CRYM: variants seen among roughly 807,000 people sequenced by gnomAD.
The protein encoded by CRYM is crystallin mu, also known as ketimine reductase mu-crystallin.
Under a neutral mutation model 32.9 loss-of-function variants are expected in CRYM, and 18 were observed. That is an observed-to-expected ratio of 0.55 (90% confidence interval 0.38 to 0.81). The LOEUF is 0.81. Among genes scored for constraint, CRYM ranks in the 30% least tolerant of loss-of-function variants. CRYM has a pLI of 0.00. For synonymous variants in CRYM, 153 were observed against 152.4 expected (o/e 1.00, Z -0.03); for missense variants, 337 against 393.5 (o/e 0.86, Z 1.21).
In CRYM at chr16:21,261,559, A is replaced by T. The variant is rs903550565; in HGVS notation, c.796-221T>A. 8.5e-6 allele frequency: 5 copies of T among 589,542 alleles called. No individual in the cohort carries two copies. In the African/African-American group the frequency reaches 9.3e-5, roughly 11 times the overall value. 36.5% of individuals were successfully genotyped at this position (589,542 alleles called of 1,614,324 possible). A position where few individuals can be genotyped will look rare whatever the true frequency, so the allele number is the denominator to read the frequency against. ...TTTGCTTTTGTGATACCATAAACAC[A>T]GAGATTCGAGTTGGTGCTCAGGGAG... On this transcript the variant is annotated intron_variant, in intron 6 of 7. Coordinates refer to ENST00000572914, the MANE Select transcript of CRYM (RefSeq NM_001376256.1).
At chr16:21,301,682 T>C (rs757471978) in intron 1 of CRYM, among the ~76,000 whole-genome samples, 1 of 152,196 alleles carries the variant, frequency 6.6e-6, no homozygotes, top group Admixed American at 6.5e-5. Context: ...CCTCCTGCCT[T>C]CCGCACCGCT....
In CRYM at chr16:21,277,370, C is replaced by T; in HGVS notation, c.324+61G>A. 6.3e-7 allele frequency: 1 copy of T among 1,592,966 alleles called. No individual in the cohort carries two copies. Among genetic ancestry groups the T allele is most frequent in the Admixed American group, 1.7e-5 (1 of 59,802 alleles). On this transcript the variant is annotated intron_variant, in intron 2 of 7. Transcript: ENST00000572914. This position sits in a 1 kb window ranked among gnomAD's most constrained non-coding sequence, Gnocchi z 4.2. ...GACTCCCCCTGCTGCGGAGAACTTACTTTTGAGCTTCAATCTGGGCCCAGG... is the reference window on the plus strand; with the variant it reads ...GACTCCCCCTGCTGCGGAGAACTTATTTTTGAGCTTCAATCTGGGCCCAGG...
intron 1 of CRYM, among the ~76,000 whole-genome samples, chr16:21,293,874 G>A (rs1420954026): frequency 1.3e-5 from 2 of 152,104 alleles, no homozygotes; most frequent in Admixed American, 6.6e-5. Flanking sequence ...AATTTAATAT[G>A]CCATAAGAAG....
intron 1 of CRYM, among the ~76,000 whole-genome samples, chr16:21,301,901 G>A (rs1960951818): frequency 1.3e-5 from 2 of 152,208 alleles, no homozygotes; most frequent in African/African-American, 2.4e-5. Flanking sequence ...GCGTGCTAGG[G>A]AGTCCTGGCG....
intron 1 of CRYM, among the ~76,000 whole-genome samples, chr16:21,292,739 G>GGATA (rs60149589): frequency 0.25 from 37,570 of 151,648 alleles, 4,806 homozygotes; most frequent in African/African-American, 0.3. Flanking sequence ...ATGGATGGAT[G>GGATA]GATAGATAGA....
At chr16:21,279,493 T>C (rs916729338), upstream of CRYM, among the ~76,000 whole-genome samples, 20 of 152,160 alleles carry the variant, frequency 1.3e-4, no homozygotes, top group African/African-American at 4.8e-4. Context: ...AGTTGCCAGA[T>C]GTGTTAGGCT....
At chr16:21,274,640 C>G (rs1298668006) in intron 3 of CRYM, among the ~76,000 whole-genome samples, 1 of 152,092 alleles carries the variant, frequency 6.6e-6, no homozygotes, top group African/African-American at 2.4e-5. Context: ...GACACTCACT[C>G]TTTTGCCCAG....
In CRYM at chr16:21,278,155, T is replaced by C. The variant is rs2093391159; in HGVS notation, c.97A>G (p.Asn33Asp). 2.6e-6 allele frequency: 4 copies of C among 1,552,880 alleles called. No individual in the cohort carries two copies. The South Asian group carries it at 3.6e-5, about 14-fold the overall frequency. ...CCTCCTTCGGGACCGCTGGAGAAGTTGGCCAGGGCCGTCTCTAGAGGCGGG... is the reference window on the plus strand; with the variant it reads ...CCTCCTTCGGGACCGCTGGAGAAGTCGGCCAGGGCCGTCTCTAGAGGCGGG... ...LIPPLETALANFSSGPEGGVM... is the reference protein window; with the variant it reads ...LIPPLETALADFSSGPEGGVM... The change falls in exon 1 of 8, where the codon AAC becomes GAC. Residue 33 changes from asparagine to aspartate, a missense_variant. Coordinates refer to ENST00000572914, the MANE Select transcript of CRYM (RefSeq NM_001376256.1).
At chr16:21,280,976 G>A (rs1007706630), upstream of CRYM, among the ~76,000 whole-genome samples, 1 of 151,956 alleles carries the variant, frequency 6.6e-6, no homozygotes, top group Non-Finnish European at 1.5e-5. Context: ...GTGGTAGCAT[G>A]TGCCTGTAAT....
chr16:21,264,166 A>G (rs900698208), intron 5 of CRYM, among the ~76,000 whole-genome samples: 9 of 152,244 alleles, frequency 5.9e-5, no homozygotes, highest in Non-Finnish European at 1.0e-4. Context: ...TCTAATTTCC[A>G]AAGAGAGTTG....
rs540477585 is a variant in CRYM, at chr16:21,264,730, T to C, written c.674-2572A>G. Among the ~76,000 whole-genome samples, 5 of 152,266 alleles carry C rather than the reference T, an allele frequency of 3.3e-5. No homozygotes were observed. In the South Asian group the frequency reaches 1.0e-3, roughly 32 times the overall value. On this transcript the variant is annotated intron_variant, in intron 5 of 7. Transcript: ENST00000572914. Reference sequence around the variant, plus strand: ...CAAGTCAGCCCTTCCTGGAGAATGATTCCAAGTGAGAGAGGGATCCAACAT... The same window carrying C: ...CAAGTCAGCCCTTCCTGGAGAATGACTCCAAGTGAGAGAGGGATCCAACAT...
chr16:21,279,827 G>T (rs2093395026), upstream of CRYM, among the ~76,000 whole-genome samples: 2 of 152,150 alleles, frequency 1.3e-5, no homozygotes, highest in East Asian at 1.9e-4. Context: ...CCAATGAAAT[G>T]AGAAATTGTA....
chr16:21,302,073 A>ACACACACACC (rs1415305941), intron 1 of CRYM, among the ~76,000 whole-genome samples: 2 of 152,178 alleles, frequency 1.3e-5, no homozygotes, highest in South Asian at 4.1e-4. Flanking sequence ...CCCCGCCAAC[A>ACACACACACC]CACACACACC....
At chr16:21,301,344 C>T (rs1433349528) in intron 1 of CRYM, 2 of 150,650 alleles carry the variant, frequency 1.3e-5, no homozygotes, top group African/African-American at 2.4e-5. Context: ...AGGTGGGGCC[C>T]TTTCAGGGAC....
chr16:21,281,144 A>G (rs1044391380), upstream of CRYM, among the ~76,000 whole-genome samples: 10 of 150,918 alleles, frequency 6.6e-5, no homozygotes, highest in Non-Finnish European at 1.2e-4. Context: ...CTGTATATAT[A>G]TATATACACA....
chr16:21,270,307 G>A (rs537225585), intron 3 of CRYM, among the ~76,000 whole-genome samples: 8 of 150,668 alleles, frequency 5.3e-5, no homozygotes, highest in African/African-American at 1.7e-4. Flanking sequence ...TTTTTGAGAT[G>A]GAGTCTCGCT....
upstream of CRYM, among the ~76,000 whole-genome samples, chr16:21,283,182 C>G (rs1020306187): frequency 1.3e-5 from 2 of 152,174 alleles, no homozygotes; most frequent in African/African-American, 4.8e-5. Context: ...ACTTCTGCCA[C>G]TACCACAGTG....
rs187127843 is a variant in CRYM at position 21,261,406 on chromosome 16, A to C, written c.796-68T>G. 17 of 1,127,794 alleles carry C rather than the reference A, an allele frequency of 1.5e-5. 1 individual carries two copies. In the African/African-American group the frequency reaches 1.7e-4, roughly 11 times the overall value. 69.9% of individuals were successfully genotyped at this position (1,127,794 alleles called of 1,614,324 possible). ...CTGTGCAGGGTTGGCTTTTGAAGCC[A>C]GCCCAGGGAATTCCTGAATTGGATA... On this transcript the variant is annotated intron_variant, in intron 6 of 7. Coordinates refer to ENST00000572914, the MANE Select transcript of CRYM (RefSeq NM_001376256.1).
chr16:21,301,400 G>A (rs1424298720), intron 1 of CRYM: 1 of 147,628 alleles, frequency 6.8e-6, no homozygotes, highest in Admixed American at 7.5e-5. Flanking sequence ...GTGAGCGCAA[G>A]GGACGAGATG....
Sources: allele counts gnomAD v4.1 joint callset (sites outside exome capture counted in the v4.1 genomes callset), GRCh38; gene constraint gnomAD v4.1.1; non-coding constraint Gnocchi (gnomAD v3.1); transcripts MANE v1.5; gene names NCBI Gene and HGNC (gene_info 2026-07-23, HGNC 2026-07-21).